GPM6A: variants seen among roughly 807,000 people sequenced by gnomAD.
GPM6A encodes neuronal membrane glycoprotein M6-a.
Under a neutral mutation model 32.1 loss-of-function variants are expected in GPM6A, and 7 were observed. The observed-to-expected ratio is 0.22, with a 90% CI of 0.12 to 0.41. The LOEUF (loss-of-function observed/expected upper bound fraction) is 0.41. GPM6A is among the 10% of genes least tolerant of loss of function. GPM6A has a pLI of 1.00. For missense variants in GPM6A, 235 were observed against 347.2 expected (o/e 0.68, Z 2.57); for synonymous variants, 130 against 123.4 (o/e 1.05, Z -0.35).
At chr4:175,923,188 A>G (rs72704534) in intron 1 of GPM6A, among the ~76,000 whole-genome samples, 3,398 of 146,246 alleles carry the variant, frequency 0.023, 68 homozygotes, top group African/African-American at 0.045. Flanking sequence ...GACAATCTTT[A>G]TAGTCCCTGA....
intron 1 of GPM6A, among the ~76,000 whole-genome samples, chr4:175,987,383 T>C (rs1243139772): frequency 2.6e-5 from 4 of 152,152 alleles, no homozygotes; most frequent in African/African-American, 9.7e-5. Flanking sequence ...CTACAGTGTG[T>C]ATTGGTTTAG....
At chr4:175,919,801 T>C (rs1738608235) in intron 1 of GPM6A, among the ~76,000 whole-genome samples, 1 of 152,220 alleles carries the variant, frequency 6.6e-6, no homozygotes, top group Non-Finnish European at 1.5e-5. Context: ...TATAACCAAG[T>C]AGGGATCCAA....
intron 1 of GPM6A, chr4:175,962,313 G>C (rs1740192700): frequency 1.8e-5 from 19 of 1,066,330 alleles, no homozygotes; most frequent in Non-Finnish European, 2.8e-5. Context: ...GAGTTTACTG[G>C]GTCCTGTGGC....
At chr4:175,687,146 A>G (rs1274947555) in intron 2 of GPM6A, among the ~76,000 whole-genome samples, 1 of 152,212 alleles carries the variant, frequency 6.6e-6, no homozygotes, top group Non-Finnish European at 1.5e-5. Context: ...GGTAAAGGAA[A>G]GTCATGTTTC....
intron 1 of GPM6A, among the ~76,000 whole-genome samples, chr4:175,724,272 T>C (rs1746290314): frequency 6.6e-6 from 1 of 152,168 alleles, no homozygotes; most frequent in African/African-American, 2.4e-5. Flanking sequence ...CGGCCAGGTG[T>C]GGTGGCTCAC....
chr4:175,936,505 GCATCTGACA>G (rs1739240321), intron 1 of GPM6A, among the ~76,000 whole-genome samples: 1 of 151,810 alleles, frequency 6.6e-6, no homozygotes, highest in Non-Finnish European at 1.5e-5. Flanking sequence ...GCTCTACATT[GCATCTGACA>G]CAAATCCTAG....
intron 1 of GPM6A, among the ~76,000 whole-genome samples, chr4:175,892,220 T>C (rs570733517): frequency 2.0e-5 from 3 of 152,364 alleles, no homozygotes; most frequent in African/African-American, 7.2e-5. Flanking sequence ...ATTATTTACA[T>C]AATTAAAATC....
At chr4:175,703,294 C>A (rs1744980286) in intron 1 of GPM6A, among the ~76,000 whole-genome samples, 1 of 152,126 alleles carries the variant, frequency 6.6e-6, no homozygotes, top group African/African-American at 2.4e-5. Context: ...GCCTCAGCCT[C>A]CCGAGTAGCT....
intron 1 of GPM6A, among the ~76,000 whole-genome samples, chr4:175,771,401 G>A (rs1733183012): frequency 6.6e-6 from 1 of 151,856 alleles, no homozygotes; most frequent in Non-Finnish European, 1.5e-5. Context: ...GCGAAACCCT[G>A]TCTCTACTAA....
At chr4:175,756,770 C>T (rs1310755694) in intron 1 of GPM6A, among the ~76,000 whole-genome samples, 1 of 151,932 alleles carries the variant, frequency 6.6e-6, no homozygotes, top group Admixed American at 6.6e-5. Flanking sequence ...TCATGCACTT[C>T]GAATTAGTAT....
intron 1 of GPM6A, among the ~76,000 whole-genome samples, chr4:175,934,350 G>A (rs754631894): frequency 2.6e-5 from 4 of 152,276 alleles, no homozygotes; most frequent in Non-Finnish European, 5.9e-5. Flanking sequence ...ATGAATCTCA[G>A]AAACCATACA....
intron 1 of GPM6A, among the ~76,000 whole-genome samples, chr4:175,714,119 G>A (rs1424608776): frequency 6.6e-6 from 1 of 152,016 alleles, no homozygotes; most frequent in Non-Finnish European, 1.5e-5. Context: ...AGAATCTTGT[G>A]GGTTTTTATC....
At chr4:175,865,855 AC>A (rs947322679) in intron 1 of GPM6A, among the ~76,000 whole-genome samples, 2 of 152,070 alleles carry the variant, frequency 1.3e-5, no homozygotes, top group Admixed American at 6.6e-5. Context: ...TTGATAGGAA[AC>A]CACTATTAAA....
chr4:175,915,422 G>T (rs1738461190), intron 1 of GPM6A, among the ~76,000 whole-genome samples: 1 of 151,898 alleles, frequency 6.6e-6, no homozygotes, highest in Non-Finnish European at 1.5e-5. Context: ...GAGTATCTGG[G>T]ATTACAGGCA....
At chr4:175,923,487 C>T (rs1738735949) in intron 1 of GPM6A, among the ~76,000 whole-genome samples, 1 of 151,144 alleles carries the variant, frequency 6.6e-6, no homozygotes, top group Admixed American at 6.6e-5. Flanking sequence ...AGGTTCCAAG[C>T]CTCCAATACT....
rs1227224206 is a variant in GPM6A at position 175,674,551 on chromosome 4, T to C, written c.231-715A>G. On this transcript the variant is annotated intron_variant, in intron 2 of 6. Coordinates refer to ENST00000393658, the MANE Select transcript of GPM6A (RefSeq NM_201591.3). ...AATACCAAATGCAAAGATTTGTGTA[T>C]GTAACACTGGTTTTTAAAACTTACA... Among the ~76,000 whole-genome samples, 3 of 152,334 alleles carry C rather than the reference T, an allele frequency of 2.0e-5. No individual in the cohort carries two copies. The East Asian group carries it at 5.8e-4, about 29-fold the overall frequency.
At chr4:175,645,519 G>A (rs927246439) in intron 4 of GPM6A, among the ~76,000 whole-genome samples, 1 of 151,800 alleles carries the variant, frequency 6.6e-6, no homozygotes, top group African/African-American at 2.4e-5. Flanking sequence ...TCAGGAGTTC[G>A]AGACCAGCCT....
chr4:175,977,735 G>A (rs1740701119), intron 1 of GPM6A, among the ~76,000 whole-genome samples: 1 of 152,152 alleles, frequency 6.6e-6, no homozygotes, highest in Non-Finnish European at 1.5e-5. Flanking sequence ...CAGGAAAAGT[G>A]TATAAAACTA....
At chr4:175,650,959 C>T (rs1741768671) in intron 4 of GPM6A, among the ~76,000 whole-genome samples, 1 of 152,178 alleles carries the variant, frequency 6.6e-6, no homozygotes, top group Non-Finnish European at 1.5e-5. Context: ...TAATGTTACA[C>T]ATGATAACAT....
Sources: gnomAD v4.1 joint callset for allele counts (sites outside exome capture counted in the v4.1 genomes callset) on GRCh38, gnomAD v4.1.1 for gene constraint, MANE v1.5 for transcripts, NCBI Gene and HGNC (gene_info 2026-07-23, HGNC 2026-07-21) for gene names.